Variants in ST6GALNAC3 observed in about 807,000 individuals in gnomAD.
ST6GALNAC3 encodes ST6 N-acetylgalactosaminide alpha-2,6-sialyltransferase 3.
In ST6GALNAC3, 25 loss-of-function variants were observed where a neutral mutation model predicts 32.7. The observed-to-expected ratio is 0.76, with a 90% confidence interval of 0.56 to 1.07. ST6GALNAC3 has a LOEUF of 1.07. Ranked by LOEUF, ST6GALNAC3 falls within the 50% of genes least tolerant of loss-of-function variation. ST6GALNAC3 has a pLI of 0.00. For missense variants in ST6GALNAC3, 355 were observed against 382.4 expected, an observed-to-expected ratio of 0.93 and a Z score of 0.60; for synonymous variants, 129 against 133.1, an observed-to-expected ratio of 0.97 and a Z score of 0.21.
At chr1:76,365,882 A>G (rs1310142126) in intron 2 of ST6GALNAC3, among the ~76,000 whole-genome samples, 1 of 152,140 alleles carries the variant, frequency 6.6e-6, no homozygotes, top group Non-Finnish European at 1.5e-5. Flanking sequence ...AATAAACACA[A>G]TCTTTCACTT....
intron 3 of ST6GALNAC3, among the ~76,000 whole-genome samples, chr1:76,544,675 T>C (rs1664184059): frequency 6.6e-6 from 1 of 152,088 alleles, no homozygotes; most frequent in African/African-American, 2.4e-5. Flanking sequence ...GCTTGTTAAA[T>C]TTAAGGTGCC....
intron 2 of ST6GALNAC3, among the ~76,000 whole-genome samples, chr1:76,316,152 C>A (rs573198099): frequency 6.6e-6 from 1 of 152,226 alleles, no homozygotes; most frequent in South Asian, 2.1e-4. Flanking sequence ...GGATGTGGAA[C>A]AACAGATACT....
intron 3 of ST6GALNAC3, among the ~76,000 whole-genome samples, chr1:76,494,390 G>A (rs1481356882): frequency 1.4e-5 from 2 of 140,720 alleles, no homozygotes; most frequent in African/African-American, 5.2e-5. Context: ...GTATATTAGA[G>A]TTCTCCAGGG....
At chr1:76,427,382 C>T (rs1369611533) in intron 3 of ST6GALNAC3, among the ~76,000 whole-genome samples, 1 of 152,044 alleles carries the variant, frequency 6.6e-6, no homozygotes, top group Non-Finnish European at 1.5e-5. Context: ...AACATAGCCT[C>T]TCAGCCCTGT....
intron 3 of ST6GALNAC3, among the ~76,000 whole-genome samples, chr1:76,501,861 A>G (rs1661194926): frequency 6.6e-6 from 1 of 152,248 alleles, no homozygotes; most frequent in Non-Finnish European, 1.5e-5. Flanking sequence ...CAGTCTGGAT[A>G]TAGGCAGTCA....
chr1:76,345,111 CCAGCTCCTTACCATGTGTGGGTG>C (rs986785566), intron 2 of ST6GALNAC3, among the ~76,000 whole-genome samples: 3 of 152,090 alleles, frequency 2.0e-5, no homozygotes, highest in Admixed American at 6.6e-5. Context: ...CACCATGAGG[CCAGCTCCTTACCATGTGTGGGTG>C]CAGCAAGCAG....
intron 1 of ST6GALNAC3, among the ~76,000 whole-genome samples, chr1:76,280,890 A>T (rs1659458826): frequency 6.6e-6 from 1 of 152,218 alleles, no homozygotes; most frequent in South Asian, 2.1e-4. Flanking sequence ...AATAGAGTAG[A>T]TGCTCACTGA....
At chr1:76,471,323 A>G (rs915664861) in intron 3 of ST6GALNAC3, among the ~76,000 whole-genome samples, 5 of 152,238 alleles carry the variant, frequency 3.3e-5, no homozygotes, top group Admixed American at 3.3e-4. Flanking sequence ...ACATGAACCT[A>G]TCTTAAAGCA....
intron 3 of ST6GALNAC3, among the ~76,000 whole-genome samples, chr1:76,558,448 A>T (rs996523659): frequency 2.0e-5 from 3 of 152,224 alleles, no homozygotes; most frequent in Admixed American, 1.3e-4. Context: ...AGCAACATGG[A>T]TGCAGCTGGA....
At position 76,629,288 on chromosome 1, in the gene ST6GALNAC3, A is replaced by T. The variant is rs1649171958; in HGVS notation, c.*482A>T. 2.0e-6 allele frequency: 2 copies of T among 988,308 alleles called. No individual in the cohort carries two copies. The highest frequency in any genetic ancestry group is 5.2e-4 in the Middle Eastern group (1 of 1,928). The allele number at this position is 988,308 out of a possible 1,614,324, so 61.2% of individuals were successfully genotyped here. ...ACCCAAGAACTGCTATCAGGGTGCAAGTATCTTACTACTTAGCCTAAGGAT... is the reference window on the plus strand; with the variant it reads ...ACCCAAGAACTGCTATCAGGGTGCATGTATCTTACTACTTAGCCTAAGGAT... On this transcript the variant is annotated 3_prime_UTR_variant, in exon 5 of 5. Transcript: ENST00000328299.
intron 1 of ST6GALNAC3, among the ~76,000 whole-genome samples, chr1:76,248,278 C>T (rs908135295): frequency 3.3e-5 from 5 of 152,182 alleles, no homozygotes; most frequent in African/African-American, 1.2e-4. Flanking sequence ...CCTCTCTCGC[C>T]AGATGCCCTC....
chr1:76,260,488 A>T (rs1658166134), intron 1 of ST6GALNAC3, among the ~76,000 whole-genome samples: 1 of 152,194 alleles, frequency 6.6e-6, no homozygotes, highest in South Asian at 2.1e-4. Context: ...TATTTCATTC[A>T]ATCACAACAA....
intron 2 of ST6GALNAC3, among the ~76,000 whole-genome samples, chr1:76,314,963 T>C (rs1325806255): frequency 6.6e-6 from 1 of 152,160 alleles, no homozygotes; most frequent in African/African-American, 2.4e-5. Flanking sequence ...GATGCTAAGC[T>C]TGGTCTACCC....
At chr1:76,221,107 A>G (rs1263513010) in intron 1 of ST6GALNAC3, among the ~76,000 whole-genome samples, 2 of 152,198 alleles carry the variant, frequency 1.3e-5, no homozygotes, top group Non-Finnish European at 2.9e-5. Flanking sequence ...CAAAGGTTCT[A>G]AGACTGCTCC....
At chr1:76,382,787 A>C in intron 2 of ST6GALNAC3, among the ~76,000 whole-genome samples, 2 of 152,358 alleles carry the variant, frequency 1.3e-5, no homozygotes, top group Non-Finnish European at 2.9e-5. Flanking sequence ...TTGGTATAAC[A>C]TAAGTATGTT....
chr1:76,225,096 T>C (rs1655992742), intron 1 of ST6GALNAC3, among the ~76,000 whole-genome samples: 1 of 151,954 alleles, frequency 6.6e-6, no homozygotes, highest in African/African-American at 2.4e-5. Context: ...TTTTTTTCTG[T>C]CCACTGAGAA....
downstream of ST6GALNAC3, chr1:76,637,297 T>TC (rs1176433459): frequency 6.6e-6 from 1 of 152,064 alleles, no homozygotes; most frequent in African/African-American, 2.4e-5. Flanking sequence ...TCTTCCTTAG[T>TC]CAGTCATGTT....
chr1:76,285,588 T>C (rs1481921812), intron 1 of ST6GALNAC3, among the ~76,000 whole-genome samples: 2 of 151,858 alleles, frequency 1.3e-5, no homozygotes, highest in African/African-American at 4.8e-5. Flanking sequence ...TATATAAACT[T>C]GCCTTATGCC....
chr1:76,559,530 T>A (rs1177066747), intron 3 of ST6GALNAC3, among the ~76,000 whole-genome samples: 1 of 152,160 alleles, frequency 6.6e-6, no homozygotes, highest in East Asian at 1.9e-4. Context: ...TTAAACTTTG[T>A]CAAAATTAAA....
Sources: allele counts gnomAD v4.1 joint callset (sites outside exome capture counted in the v4.1 genomes callset), GRCh38; gene constraint gnomAD v4.1.1; transcripts MANE v1.5; gene names NCBI Gene and HGNC (gene_info 2026-07-23, HGNC 2026-07-21).